PANK4: variants seen among roughly 807,000 people sequenced by gnomAD.
PANK4 encodes the protein pantothenate kinase 4 (inactive).
In PANK4, 40 loss-of-function variants were observed where a neutral mutation model predicts 87.9. That is an observed-to-expected ratio of 0.46 (90% CI 0.35 to 0.59). PANK4 has a LOEUF of 0.59. PANK4 is among the 20% of genes least tolerant of loss of function. The pLI is 0.00. For synonymous variants in PANK4, 524 were observed against 467.4 expected, an observed-to-expected ratio of 1.12 and a Z score of -1.56; for missense variants, 926 against 1,072.3, an observed-to-expected ratio of 0.86 and a Z score of 1.90.
rs1239080329 is a variant in PANK4 at position 2,510,667 on chromosome 1, T to C, written c.1938+11A>G. On this transcript the variant is annotated intron_variant, in intron 16 of 18. Coordinates refer to ENST00000378466, the MANE Select transcript of PANK4 (RefSeq NM_018216.4). This position sits in a 1 kb window ranked among gnomAD's most constrained non-coding sequence, Gnocchi z 4.9. ...CAGGGGAAGGGCCCCACCCACCACC[T>C]CAACACTCACCTCTGTCCCTCTAAG... 1 of 1,516,394 alleles carries C rather than the reference T, an allele frequency of 6.6e-7. No individual in the cohort carries two copies. Among genetic ancestry groups the C allele is most frequent in the African/African-American group, 1.4e-5 (1 of 71,812 alleles). 93.9% of individuals were successfully genotyped at this position (1,516,394 alleles called of 1,614,324 possible).
chr1:2,514,477 CAGAA>C lies in PANK4; in HGVS notation c.1375-15_1375-12del. On this transcript the variant is annotated splice_polypyrimidine_tract_variant and intron_variant, in intron 10 of 18. Transcript: ENST00000378466. ...TGCGCGCTTCACTACCTGCCAGCGA[CAGAA>C]GGAGGGGGTTAGTCAAGCGCTGGCC... The C allele has an allele frequency of 6.3e-7, 1 of 1,595,068 alleles. No homozygotes were observed. Among genetic ancestry groups the C allele is most frequent in the Non-Finnish European group, 8.5e-7 (1 of 1,172,946 alleles).
At chr1:2,523,292 G>A (rs906594386) in intron 1 of PANK4, among the ~76,000 whole-genome samples, 3 of 152,062 alleles carry the variant, frequency 2.0e-5, no homozygotes, top group Admixed American at 6.5e-5. Flanking sequence ...TGGTGGACGC[G>A]TCACAGGCTC....
Position 2,519,749 on chromosome 1 carries a change from C to A in PANK4, c.853+52G>T. 6.7e-7 allele frequency: 1 copy of A among 1,497,476 alleles called. No homozygotes were observed. Among genetic ancestry groups the A allele is most frequent in the South Asian group, 1.3e-5 (1 of 79,854 alleles). The allele number at this position is 1,497,476 out of a possible 1,614,324, so 92.8% of individuals were successfully genotyped here. On this transcript the variant is annotated intron_variant, in intron 6 of 18. Transcript: ENST00000378466. The surrounding 1 kb of genome is among the most constrained non-coding windows in gnomAD (Gnocchi z 8.3). ...TGGGGGAAGCTCCTGTCCGTGAGAC[C>A]CCAAGTGTCCCCACCATCCTGCTCT...
At chr1:2,518,857 G>A (rs1433114133) in intron 7 of PANK4, among the ~76,000 whole-genome samples, 1 of 152,236 alleles carries the variant, frequency 6.6e-6, no homozygotes, top group East Asian at 1.9e-4. Flanking sequence ...GCATGTGGGT[G>A]GGCGTGCCTC....
In PANK4 at chr1:2,515,241, C is replaced by A. The variant is rs573182284; in HGVS notation, c.1374+321G>T. On this transcript the variant is annotated intron_variant, in intron 10 of 18. Transcript: ENST00000378466. The surrounding 1 kb of genome is among the most constrained non-coding windows in gnomAD (Gnocchi z 5.0). ...CAGAGTCAGGGTCCCACAATGCCTC[C>A]CGCACCTCAGTCACACCTCAAAAGA... 70 of 522,866 alleles carry A rather than the reference C, an allele frequency of 1.3e-4. No individual in the cohort carries two copies. The highest frequency in any genetic ancestry group is 1.3e-3 in the African/African-American group (67 of 53,164). 32.4% of individuals were successfully genotyped at this position (522,866 alleles called of 1,614,324 possible).
At position 2,520,626 on chromosome 1, in the gene PANK4, C is replaced by G; in HGVS notation, c.606+97G>C. ...GCCACCCCCCTCCCGCCCACTGGGC[C>G]CCATCCATGTGCCCAGCCCTGGCTC... On this transcript the variant is annotated intron_variant, in intron 4 of 18. Transcript: ENST00000378466. This position sits in a 1 kb window ranked among gnomAD's most constrained non-coding sequence, Gnocchi z 6.2. 3.2e-6 allele frequency: 4 copies of G among 1,250,434 alleles called. No homozygotes were observed. Among genetic ancestry groups the G allele is most frequent in the Non-Finnish European group, 3.4e-6 (3 of 876,032 alleles). 77.5% of individuals were successfully genotyped at this position (1,250,434 alleles called of 1,614,324 possible). A position where few individuals can be genotyped will look rare whatever the true frequency, so the allele number is the denominator to read the frequency against.
intron 7 of PANK4, 143 bp from the exon 8 acceptor site, chr1:2,518,740 G>T: frequency 1.4e-6 from 1 of 700,590 alleles, no homozygotes; most frequent in Non-Finnish European, 2.5e-6. Context: ...ATACTTGCCA[G>T]TGGAATCGCG....
In PANK4 at chr1:2,511,643, T is replaced by C. The variant is rs773265110; in HGVS notation, c.1768A>G (p.Lys590Glu). The C allele has an allele frequency of 1.9e-6, 3 of 1,610,202 alleles. No homozygotes were observed. The highest frequency in any genetic ancestry group is 2.5e-6 in the Non-Finnish European group (3 of 1,176,720). ...SDPYFGFEEA[K>E]RKLQERPWLV... ...CCATCCGTACCTTGTAACTTCCTCT[T>C]TGCTTCTTCAAACCCAAAGTAGGGG... Residue 590 changes from lysine (K) to glutamate (E), a missense_variant, in exon 14 of 19, where the codon AAG becomes GAG. By Grantham distance (56) the Lys-to-Glu change is moderately conservative. Coordinates refer to ENST00000378466, the MANE Select transcript of PANK4 (RefSeq NM_018216.4).
At chr1:2,517,330 C>G (rs925653585) in intron 9 of PANK4, among the ~76,000 whole-genome samples, 1 of 152,256 alleles carries the variant, frequency 6.6e-6, no homozygotes, top group African/African-American at 2.4e-5. Flanking sequence ...AGCCAAAACT[C>G]AACAAGTCGC....
rs1643680728 is a variant in PANK4 at position 2,512,638 on chromosome 1, G to C, written c.1727+250C>G. 5 of 540,756 alleles carry C rather than the reference G, an allele frequency of 9.2e-6. No individual in the cohort carries two copies. In the South Asian group the frequency reaches 1.3e-4, roughly 14 times the overall value. The allele number at this position is 540,756 out of a possible 1,614,324, so 33.5% of individuals were successfully genotyped here. ...CCCGATTTTCAAATCCACACCCTTA[G>C]GCCTCTGCGGCACCCATGCTTAAGG... On this transcript the variant is annotated intron_variant, in intron 13 of 18. Coordinates refer to ENST00000378466, the MANE Select transcript of PANK4 (RefSeq NM_018216.4).
At chr1:2,516,629 G>A (rs1286949098) in intron 9 of PANK4, among the ~76,000 whole-genome samples, 2 of 152,174 alleles carry the variant, frequency 1.3e-5, no homozygotes, top group Admixed American at 6.5e-5. Flanking sequence ...CCTGGGGCTG[G>A]AGAAGCAGCC....
At chr1:2,518,321 G>A (rs771169379) in intron 8 of PANK4, 57 bp from the exon 9 acceptor site, 17 of 1,215,772 alleles carry the variant, frequency 1.4e-5, no homozygotes, top group Middle Eastern at 3.8e-4. Flanking sequence ...TCAAAAGCAG[G>A]AGAGTGGAGG....
intron 10 of PANK4, 151 bp from the exon 11 acceptor site, chr1:2,514,617 G>A (rs900329016): frequency 1.9e-6 from 1 of 536,434 alleles, no homozygotes; most frequent in Non-Finnish European, 3.3e-6. Context: ...GCCTGGTGCA[G>A]GGTGGGAGCC....
intron 1 of PANK4, among the ~76,000 whole-genome samples, chr1:2,525,352 G>C (rs1643911320): frequency 6.6e-6 from 1 of 152,010 alleles, no homozygotes; most frequent in South Asian, 2.1e-4. Flanking sequence ...GGGGGCTGGG[G>C]CTACAAGACA....
chr1:2,512,177 G>A (rs1265771363), intron 13 of PANK4, among the ~76,000 whole-genome samples: 1 of 152,190 alleles, frequency 6.6e-6, no homozygotes. Context: ...AATCCCATGG[G>A]TCAGGACCCT....
chr1:2,519,460 G>A lies in PANK4; in HGVS notation c.854-136C>T. On this transcript the variant is annotated intron_variant, in intron 6 of 18. Coordinates refer to ENST00000378466, the MANE Select transcript of PANK4 (RefSeq NM_018216.4). The surrounding 1 kb of genome is among the most constrained non-coding windows in gnomAD (Gnocchi z 8.3). ...AGAGCTGAGTGGGAGGGGAGGGGGA[G>A]AGAGAGCTGAGTGGGGGAACTGGAG... The A allele has an allele frequency of 3.4e-6, 1 of 293,816 alleles. No individual in the cohort carries two copies. Among genetic ancestry groups the A allele is most frequent in the South Asian group, 2.8e-5 (1 of 35,378 alleles). 18.2% of individuals were successfully genotyped at this position (293,816 alleles called of 1,614,324 possible).
rs1434441722 is a variant in PANK4 at position 2,511,332 on chromosome 1, A to G, written c.1833+6T>C. ...AGCAGCAGAGGTGGGAGGCCCCTCC[A>G]CATACCTTTAATCTCTGAAGCCACT... On this transcript the variant is annotated splice_donor_region_variant and intron_variant, in intron 15 of 18. Coordinates refer to ENST00000378466, the MANE Select transcript of PANK4 (RefSeq NM_018216.4). 1.9e-6 allele frequency: 3 copies of G among 1,604,084 alleles called. No individual in the cohort carries two copies. The highest frequency in any genetic ancestry group is 1.7e-6 in the Non-Finnish European group (2 of 1,172,182).
Position 2,515,870 on chromosome 1 carries a change from C to T in PANK4, c.1219-153G>A, listed in dbSNP as rs1643762158. The T allele has an allele frequency of 1.3e-6, 1 of 763,294 alleles. No individual in the cohort carries two copies. 47.3% of individuals were successfully genotyped at this position (763,294 alleles called of 1,614,324 possible). A position where few individuals can be genotyped will look rare whatever the true frequency, so the allele number is the denominator to read the frequency against. On this transcript the variant is annotated intron_variant, in intron 9 of 18. Transcript: ENST00000378466. The surrounding 1 kb of genome is among the most constrained non-coding windows in gnomAD (Gnocchi z 5.0). ...CACAGACGAGACCCCCACTGGGCCC[C>T]CTCAGCTGCCCGGCGGCCTGAGCCG... is the stretch of plus-strand genomic sequence containing the variant.
rs750102841 is a variant in PANK4 at position 2,520,773 on chromosome 1, T to C, written c.556A>G (p.Ile186Val). 2.5e-6 allele frequency: 4 copies of C among 1,613,330 alleles called. No homozygotes were observed. The highest frequency in any genetic ancestry group is 2.5e-6 in the Non-Finnish European group (3 of 1,179,838). ...EFRFQTNHPH[I>V]FPYLLVNIGS... ...ATATTGACAAGAAGATAGGGGAAAA[T>C]GTGGGGGTGGTTGGTCTGGAACCGG... is the stretch of plus-strand genomic sequence containing the variant. Residue 186 changes from isoleucine (I) to valine (V), a missense_variant, in exon 4 of 19, where the codon ATT becomes GTT. By Grantham distance (29) the Ile-to-Val change is conservative. Transcript: ENST00000378466. The surrounding 1 kb of genome is among the most constrained non-coding windows in gnomAD (Gnocchi z 6.2).
Sources: allele counts gnomAD v4.1 joint callset (sites outside exome capture counted in the v4.1 genomes callset), GRCh38; gene constraint gnomAD v4.1.1; non-coding constraint Gnocchi (gnomAD v3.1); transcripts MANE v1.5; gene names NCBI Gene and HGNC (gene_info 2026-07-23, HGNC 2026-07-21).